The following PTAFR variants were observed in gnomAD, a reference collection of about 807,000 sequenced individuals.
The protein encoded by PTAFR is platelet activating factor receptor, also known as platelet-activating factor receptor.
In PTAFR, 8 loss-of-function variants were observed where a neutral mutation model predicts 14.7. The observed-to-expected ratio is 0.54, with a 90% CI of 0.32 to 0.98. PTAFR has a LOEUF of 0.98. Among genes scored for constraint, PTAFR ranks in the 50% least tolerant of loss-of-function variants. The pLI is 0.04. For synonymous variants in PTAFR, 156 were observed against 176.5 expected (o/e 0.88, Z 0.92); for missense variants, 337 against 451.2 (o/e 0.75, Z 2.29).
At chr1:28,192,637 GTTTTT>G (rs372014225) in intron 1 of PTAFR, among the ~76,000 whole-genome samples, 4 of 146,978 alleles carry the variant, frequency 2.7e-5, no homozygotes, top group African/African-American at 1.0e-4. Flanking sequence ...TAAATGCTGG[GTTTTT>G]TTTTTGTTTG....
At position 28,150,873 on chromosome 1, in the gene PTAFR, T is replaced by C. The variant is rs532356560; in HGVS notation, c.149A>G (p.Asn50Ser). ...FARLYPCKKF[N>S]EIKIFMVNLT... Reference sequence around the variant, plus strand: ...GTTCACCATGAAGATCTTTATCTCATTGAATTTCTTGCAAGGGTACAGGCG... The same window carrying C: ...GTTCACCATGAAGATCTTTATCTCACTGAATTTCTTGCAAGGGTACAGGCG... Residue 50 changes from asparagine (N) to serine (S), a missense_variant, in exon 2 of 2, where the codon AAT (asparagine) becomes AGT (serine). Transcript: ENST00000373857. This position sits in a 1 kb window ranked among gnomAD's most constrained non-coding sequence, Gnocchi z 6.3. The C allele has an allele frequency of 2.8e-5, 45 of 1,614,136 alleles. No homozygotes were observed. Among genetic ancestry groups the C allele is most frequent in the South Asian group, 2.6e-4 (24 of 91,070 alleles).
At chr1:28,182,074 G>A (rs1361403303) in intron 1 of PTAFR, among the ~76,000 whole-genome samples, 1 of 152,148 alleles carries the variant, frequency 6.6e-6, no homozygotes, top group Non-Finnish European at 1.5e-5. Context: ...AGTGGCTCAT[G>A]CCTGTAATCC....
chr1:28,150,357 C>CGCT lies in PTAFR; in HGVS notation c.662_664dup (p.Gln221dup). The stretch of plus-strand genomic sequence containing the variant: ...CGCCCGGCGCTTGACTTCAGCGTTG[C>CGCT]GCTGCTGCTGCACCGGCTGCATGAG... On this transcript the variant is annotated inframe_insertion, in exon 2 of 2. Transcript: ENST00000373857. The surrounding 1 kb of genome is among the most constrained non-coding windows in gnomAD (Gnocchi z 6.3). 6.2e-7 allele frequency: 1 copy of CGCT among 1,613,996 alleles called. No individual in the cohort carries two copies. Among genetic ancestry groups the CGCT allele is most frequent in the Non-Finnish European group, 8.5e-7 (1 of 1,179,932 alleles).
rs774633330 is a variant in PTAFR, at chr1:28,150,719, G to A, written c.303C>T (p.Thr101=). ...CGCCCAGGAAGGCCACAGAGCAGTA[G>A]GTGTTGATGAAGAAAAGGCAGCCAG... ...NVAGCLFFIN[T]YCSVAFLGVI... is the part of the protein sequence containing the mutation. The change falls in exon 2 of 2, where the codon ACC becomes ACT. Residue 101 remains threonine, a synonymous_variant. Transcript: ENST00000373857. This position sits in a 1 kb window ranked among gnomAD's most constrained non-coding sequence, Gnocchi z 6.3. The A allele has an allele frequency of 1.9e-6, 3 of 1,614,062 alleles. No individual in the cohort carries two copies. The highest frequency in any genetic ancestry group is 2.5e-6 in the Non-Finnish European group (3 of 1,180,048).
At chr1:28,151,170 G>T in intron 1 of PTAFR, 111 bp from the exon 2 acceptor site, 4 of 617,598 alleles carry the variant, frequency 6.5e-6, no homozygotes, top group South Asian at 2.4e-5. Flanking sequence ...CCCCTCAGAA[G>T]TTCATGTTGA....
chr1:28,192,569 A>T (rs2149010660), intron 1 of PTAFR, among the ~76,000 whole-genome samples: 1 of 151,762 alleles, frequency 6.6e-6, no homozygotes, highest in African/African-American at 2.4e-5. Flanking sequence ...AAAAAAAAAA[A>T]AAAAAAAAAG....
At chr1:28,165,503 G>T (rs1157465184) in intron 1 of PTAFR, among the ~76,000 whole-genome samples, 1 of 151,766 alleles carries the variant, frequency 6.6e-6, no homozygotes, top group Non-Finnish European at 1.5e-5. Context: ...ATTGCTGAAG[G>T]TCAGGCGCGG....
Position 28,151,058 on chromosome 1 carries a change from G to T in PTAFR, c.-37C>A. ...GGAATGATCAGCTGGTCCTGGTGGT[G>T]CCTGGAAGACCACACAAAAATTCTG... On this transcript the variant is annotated splice_region_variant and 5_prime_UTR_variant, in exon 2 of 2. Transcript: ENST00000373857. The T allele has an allele frequency of 1.3e-6, 2 of 1,506,412 alleles. No homozygotes were observed. Among genetic ancestry groups the T allele is most frequent in the East Asian group, 2.3e-5 (1 of 44,164 alleles). 93.3% of individuals were successfully genotyped at this position (1,506,412 alleles called of 1,614,324 possible). A position where few individuals can be genotyped will look rare whatever the true frequency, so the allele number is the denominator to read the frequency against.
At chr1:28,177,808 G>A (rs1409448906), upstream of PTAFR, among the ~76,000 whole-genome samples, 1 of 151,926 alleles carries the variant, frequency 6.6e-6, no homozygotes, top group Non-Finnish European at 1.5e-5. Flanking sequence ...GGTGAAGAGG[G>A]GTGGACAATC....
intron 1 of PTAFR, among the ~76,000 whole-genome samples, chr1:28,172,477 G>A (rs748622426): frequency 1.3e-5 from 2 of 152,204 alleles, no homozygotes; most frequent in Admixed American, 6.5e-5. Context: ...ACCTGGGTCT[G>A]TTTCTTCCTT....
chr1:28,169,999 C>CAAAA lies in PTAFR; in HGVS notation c.-39+6589_-39+6592dup, dbSNP rs55770214. Reference sequence around the variant, plus strand: ...TGGGCGACAGAGCGAGACTCCATCTCAAAAAAAAAAAAAAAAGAAGATGCC... The same window carrying CAAAA: ...TGGGCGACAGAGCGAGACTCCATCTCAAAAAAAAAAAAAAAAAAAAGAAGATGCC... On this transcript the variant is annotated intron_variant, in intron 1 of 1. Transcript: ENST00000373857. Among the ~76,000 whole-genome samples the CAAAA allele has an allele frequency of 1.1e-4, 13 of 122,998 alleles. No individual in the cohort carries two copies. In the South Asian group the frequency reaches 3.0e-3, roughly 28 times the overall value. The allele number at this position is 122,998 out of a possible 152,430, so 80.7% of individuals were successfully genotyped here.
intron 1 of PTAFR, among the ~76,000 whole-genome samples, chr1:28,160,794 T>G (rs1646315363): frequency 6.6e-6 from 1 of 152,052 alleles, no homozygotes; most frequent in African/African-American, 2.4e-5. Context: ...GTGGAGTCCC[T>G]GCTTGACTCA....
intron 1 of PTAFR, among the ~76,000 whole-genome samples, chr1:28,153,896 G>GA (rs1479353984): frequency 1.3e-5 from 2 of 149,800 alleles, no homozygotes; most frequent in African/African-American, 4.9e-5. Flanking sequence ...TCAAAAAAAA[G>GA]AAAAAAAATT....
chr1:28,167,477 A>G (rs370147046), intron 1 of PTAFR, among the ~76,000 whole-genome samples: 4 of 152,208 alleles, frequency 2.6e-5, no homozygotes, highest in African/African-American at 9.6e-5. Context: ...GATGTGAGAA[A>G]TTGGAACTTT....
intron 1 of PTAFR, among the ~76,000 whole-genome samples, chr1:28,185,063 T>G (rs1475230776): frequency 3.3e-5 from 5 of 152,284 alleles, no homozygotes; most frequent in African/African-American, 1.2e-4. Flanking sequence ...CCCTAATAAG[T>G]TGCAGCCATC....
upstream of PTAFR, among the ~76,000 whole-genome samples, chr1:28,180,341 C>G (rs567941382): frequency 7.9e-5 from 12 of 152,240 alleles, no homozygotes; most frequent in South Asian, 2.5e-3. Flanking sequence ...GATCAAGCCA[C>G]TGCTCTCCAC....
intron 1 of PTAFR, among the ~76,000 whole-genome samples, chr1:28,162,829 C>CAAAAAAAA (rs529755155): frequency 1.7e-5 from 1 of 59,162 alleles, no homozygotes; most frequent in African/African-American, 6.7e-5. Flanking sequence ...ACTTTGTCTC[C>CAAAAAAAA]AAAAAAAAAA....
intron 1 of PTAFR, among the ~76,000 whole-genome samples, chr1:28,193,179 G>C (rs1646669623): frequency 6.6e-6 from 1 of 152,130 alleles, no homozygotes; most frequent in Admixed American, 6.6e-5. Flanking sequence ...GTGTGTCTGT[G>C]TGTGTGTGTG....
At chr1:28,189,941 C>T (rs1646638637) in intron 1 of PTAFR, among the ~76,000 whole-genome samples, 1 of 151,868 alleles carries the variant, frequency 6.6e-6, no homozygotes, top group African/African-American at 2.4e-5. Flanking sequence ...GCTGGGATTA[C>T]AGGCATGAGC....
Sources: gnomAD v4.1 joint callset for allele counts (sites outside exome capture counted in the v4.1 genomes callset) on GRCh38, gnomAD v4.1.1 for gene constraint, Gnocchi (gnomAD v3.1) non-coding constraint, MANE v1.5 for transcripts, NCBI Gene and HGNC (gene_info 2026-07-23, HGNC 2026-07-21) for gene names.